Variants in POC1A observed in about 807,000 individuals in gnomAD.
The protein encoded by POC1A is POC1 centriolar protein homolog A.
A neutral mutation model predicts 47.8 loss-of-function variants in POC1A; 34 were observed. The observed-to-expected ratio is 0.71, with a 90% confidence interval of 0.54 to 0.95. POC1A has a LOEUF of 0.95. Ranked by LOEUF, POC1A falls within the 40% of genes least tolerant of loss-of-function variation. POC1A has a pLI of 0.00. For missense variants in POC1A, 466 were observed against 528.3 expected (o/e 0.88, Z 1.16); for synonymous variants, 177 against 207.6 (o/e 0.85, Z 1.27).
chr3:52,124,395 C>T (rs947572027), intron 8 of POC1A, among the ~76,000 whole-genome samples: 1 of 152,212 alleles, frequency 6.6e-6, no homozygotes, highest in African/African-American at 2.4e-5. Context: ...AGTCAGGGCA[C>T]AAGGCACCAG....
chr3:52,110,968 T>C (rs1254457146), intron 9 of POC1A, among the ~76,000 whole-genome samples: 1 of 152,212 alleles, frequency 6.6e-6, no homozygotes, highest in Non-Finnish European at 1.5e-5. Flanking sequence ...TGCCTGGGTT[T>C]ATATGCCAAA....
intron 9 of POC1A, among the ~76,000 whole-genome samples, chr3:52,101,090 CAAAAAAAA>C (rs146285042): frequency 3.5e-5 from 2 of 56,956 alleles, no homozygotes; most frequent in Non-Finnish European, 7.5e-5. Flanking sequence ...CAACCCTCAG[CAAAAAAAA>C]AAAAAAAAAA....
intron 1 of POC1A, 83 bp downstream of exon 1, chr3:52,154,272 C>T: frequency 2.8e-6 from 4 of 1,411,842 alleles, no homozygotes; most frequent in Non-Finnish European, 3.9e-6. Context: ...GCCCGCCCCT[C>T]GCAGCCATCG....
intron 6 of POC1A, among the ~76,000 whole-genome samples, chr3:52,138,864 C>A: frequency 6.6e-6 from 1 of 152,146 alleles, no homozygotes; most frequent in East Asian, 1.9e-4. Flanking sequence ...GACAGAGTCT[C>A]ACTCTGTCGC....
intron 9 of POC1A, among the ~76,000 whole-genome samples, chr3:52,110,675 A>G (rs1015288636): frequency 1.3e-5 from 2 of 152,138 alleles, no homozygotes; most frequent in African/African-American, 4.8e-5. Context: ...TGTCATCACT[A>G]TTGGCAAAAA....
intron 7 of POC1A, among the ~76,000 whole-genome samples, chr3:52,133,482 T>C (rs943304372): frequency 6.6e-6 from 1 of 152,146 alleles, no homozygotes; most frequent in South Asian, 2.1e-4. Context: ...GTGCCACTCA[T>C]GTGCCAGAGA....
At chr3:52,098,972 T>C (rs1009496129) in intron 9 of POC1A, among the ~76,000 whole-genome samples, 2 of 152,254 alleles carry the variant, frequency 1.3e-5, no homozygotes, top group Non-Finnish European at 2.9e-5. Context: ...AATTGGGATC[T>C]GAACCCAAAG....
chr3:52,121,276 T>A (rs1243766406), intron 9 of POC1A, among the ~76,000 whole-genome samples: 3 of 152,096 alleles, frequency 2.0e-5, no homozygotes, highest in Non-Finnish European at 4.4e-5. Context: ...AACCCTGCAG[T>A]GTGAAATGCC....
chr3:52,089,013 C>A (rs1250616678), intron 10 of POC1A, among the ~76,000 whole-genome samples: 1 of 151,562 alleles, frequency 6.6e-6, no homozygotes, highest in Non-Finnish European at 1.5e-5. Flanking sequence ...CAATCTGCAG[C>A]CTCTTTGGAA....
intron 7 of POC1A, among the ~76,000 whole-genome samples, chr3:52,133,119 T>C (rs376518975): frequency 1.3e-5 from 2 of 151,924 alleles, no homozygotes; most frequent in African/African-American, 2.4e-5. Flanking sequence ...TGGGAAGTGA[T>C]TGAGTCACAA....
chr3:52,134,950 C>T (rs1464033393), intron 7 of POC1A, among the ~76,000 whole-genome samples: 1 of 152,214 alleles, frequency 6.6e-6, no homozygotes, highest in African/African-American at 2.4e-5. Flanking sequence ...CCATCAGGCC[C>T]TTGGCCACCA....
intron 10 of POC1A, among the ~76,000 whole-genome samples, chr3:52,086,482 A>G (rs897852611): frequency 6.6e-6 from 1 of 152,232 alleles, no homozygotes; most frequent in Admixed American, 6.5e-5. Flanking sequence ...CTATCAAAAC[A>G]AAGCAGGGCT....
At chr3:52,126,660 C>T (rs1704014516) in intron 7 of POC1A, among the ~76,000 whole-genome samples, 1 of 152,222 alleles carries the variant, frequency 6.6e-6, no homozygotes, top group African/African-American at 2.4e-5. Flanking sequence ...TATTGGCTCA[C>T]AGTTCCAGAG....
intron 9 of POC1A, among the ~76,000 whole-genome samples, chr3:52,107,590 G>T (rs2107023851): frequency 6.6e-6 from 1 of 152,304 alleles, no homozygotes; most frequent in African/African-American, 2.4e-5. Flanking sequence ...GTATCTTAGG[G>T]TTACCTACCC....
chr3:52,099,938 C>A (rs1490597070), intron 9 of POC1A, among the ~76,000 whole-genome samples: 1 of 152,210 alleles, frequency 6.6e-6, no homozygotes, highest in African/African-American at 2.4e-5. Context: ...AACAACATTT[C>A]ACTTTTGCCA....
chr3:52,093,529 G>A (rs571910462), intron 10 of POC1A, among the ~76,000 whole-genome samples: 46 of 152,334 alleles, frequency 3.0e-4, no homozygotes, highest in Middle Eastern at 3.4e-3. Flanking sequence ...AGCAGTGCAC[G>A]GCGTTGTCAG....
Position 52,149,964 on chromosome 3 carries a change from G to A in POC1A, c.127C>T (p.Leu43Phe). 2 of 1,613,648 alleles carry A rather than the reference G, an allele frequency of 1.2e-6. No homozygotes were observed. The highest frequency in any genetic ancestry group is 2.2e-5 in the South Asian group (2 of 91,082). Residue 43 changes from leucine (L) to phenylalanine (F), a missense_variant, in exon 3 of 11, where the codon CTC (leucine) becomes TTC (phenylalanine). Transcript: ENST00000296484. ...TGCGGCTTCATGTGCCAGACCATGA[G>A]GCATGAGTCCATGGAGCCACTGGCT... ...QLASGSMDSCLMVWHMKPQSR... is the reference protein window; with the variant it reads ...QLASGSMDSCFMVWHMKPQSR...
chr3:52,117,508 A>G (rs1192373336), intron 9 of POC1A, among the ~76,000 whole-genome samples: 4 of 152,188 alleles, frequency 2.6e-5, no homozygotes, highest in Admixed American at 1.3e-4. Flanking sequence ...ACCACACCCC[A>G]GGCAGGGTAG....
At position 52,084,074 on chromosome 3, in the gene POC1A, C is replaced by T. The variant is rs951683295; in HGVS notation, c.1126-8089G>A. On this transcript the variant is annotated intron_variant, in intron 10 of 10. Coordinates refer to ENST00000296484, the MANE Select transcript of POC1A (RefSeq NM_015426.5). This position sits in a 1 kb window ranked among gnomAD's most constrained non-coding sequence, Gnocchi z 4.3. The stretch of plus-strand genomic sequence containing the variant: ...GTAGGCACAGCCAGGGAGGATGCTG[C>T]TCCCACGTGCCTGTGGCCAGTTTGT... Among the ~76,000 whole-genome samples, 1 of 152,246 alleles carries T rather than the reference C, an allele frequency of 6.6e-6. No individual in the cohort carries two copies. Among genetic ancestry groups the T allele is most frequent in the African/African-American group, 2.4e-5 (1 of 41,472 alleles).
Sources: gnomAD v4.1 joint callset for allele counts (sites outside exome capture counted in the v4.1 genomes callset) on GRCh38, gnomAD v4.1.1 for gene constraint, Gnocchi (gnomAD v3.1) non-coding constraint, MANE v1.5 for transcripts, NCBI Gene and HGNC (gene_info 2026-07-23, HGNC 2026-07-21) for gene names.